Variants in ACOT9 observed in about 807,000 individuals in gnomAD.
The protein encoded by ACOT9 is acyl-CoA thioesterase 9.
ACOT9 carries 34 observed loss-of-function variants against 39.7 expected under a neutral mutation model. The ratio of observed to expected loss-of-function variants is 0.86; its 90% CI spans 0.65 to 1.14. The LOEUF is 1.14. Among genes scored for constraint, ACOT9 ranks in the 50% most tolerant of loss-of-function variants. The probability of loss-of-function intolerance (pLI) is 0.00; values close to 1 mark genes in which losing one functional copy is unlikely to be tolerated. For missense variants in ACOT9, 313 were observed against 344.1 expected (o/e 0.91, Z 0.71); for synonymous variants, 110 against 120.5 (o/e 0.91, Z 0.57).
chrX:23,733,671 C>T (rs189213140), intron 3 of ACOT9, among the ~76,000 whole-genome samples: 3 of 111,734 alleles, frequency 2.7e-5, no homozygotes, highest in Admixed American at 9.6e-5. Context: ...CTCCACCTCC[C>T]GGGTTCAGGC....
chrX:23,719,379 A>T (rs191644555), intron 8 of ACOT9, among the ~76,000 whole-genome samples: 2 of 112,175 alleles, frequency 1.8e-5, no homozygotes, highest in East Asian at 5.6e-4. Flanking sequence ...TTGACAAATA[A>T]CTACTACAGA....
chrX:23,743,006 G>C (rs1920996140), intron 1 of ACOT9, 119 bp downstream of exon 1: 1 of 890,801 alleles, frequency 1.1e-6, no homozygotes, highest in African/African-American at 2.1e-5. Context: ...CCTTATCATA[G>C]AGCCCAAATG....
chrX:23,714,190 T>C (rs1482332479), intron 8 of ACOT9, among the ~76,000 whole-genome samples: 3 of 111,268 alleles, frequency 2.7e-5, no homozygotes, highest in African/African-American at 9.8e-5. Flanking sequence ...TCTGAGCTTC[T>C]TGCAGGGCGT....
chrX:23,722,516 A>G (rs1364171273), intron 7 of ACOT9, among the ~76,000 whole-genome samples, 154 bp downstream of exon 7: 2 of 109,287 alleles, frequency 1.8e-5, no homozygotes, highest in Non-Finnish European at 3.8e-5. Context: ...GTGAGCCAAG[A>G]TCGTGCCATT....
At chrX:23,731,902 CG>C (rs1569197524) in intron 4 of ACOT9, among the ~76,000 whole-genome samples, 7 of 111,921 alleles carry the variant, frequency 6.3e-5, no homozygotes, top group Non-Finnish European at 1.9e-5. Flanking sequence ...CAAGGGGATA[CG>C]GAACGACAAT....
chrX:23,740,757 CA>C (rs1930115955), intron 1 of ACOT9, among the ~76,000 whole-genome samples: 4 of 70,380 alleles, frequency 5.7e-5, no homozygotes, highest in South Asian at 1.3e-3. Context: ...CACACACACA[CA>C]CACACCGCAC....
rs369104748 is a variant in ACOT9, at chrX:23,721,920, G to A, written c.549C>T (p.Val183=). 4.4e-5 allele frequency: 53 copies of A among 1,209,165 alleles called. No homozygotes were observed. The highest frequency in any genetic ancestry group is 3.5e-4 in the Admixed American group (16 of 45,604). The change falls in exon 8 of 16, where the codon GTC becomes GTT. Residue 183 remains valine (V), a synonymous_variant. Coordinates refer to ENST00000379303, the MANE Select transcript of ACOT9 (RefSeq NM_001037171.2). ...TCTTCACTTCCATGGATGTCTTCCC[G>A]ACCCAGCTAACATGGCCACTGAACT... is the stretch of plus-strand genomic sequence containing the variant. ...DIKFSGHVSW[V]GKTSMEVKMQ...
chrX:23,718,684 T>C (rs1929173546), intron 8 of ACOT9, among the ~76,000 whole-genome samples: 1 of 108,426 alleles, frequency 9.2e-6, no homozygotes, highest in Non-Finnish European at 1.9e-5. Context: ...GGCAGGCGGA[T>C]CATGAGGTCA....
At chrX:23,736,351 C>T (rs182299998) in intron 1 of ACOT9, among the ~76,000 whole-genome samples, 1 of 112,461 alleles carries the variant, frequency 8.9e-6, no homozygotes, top group East Asian at 2.8e-4. Flanking sequence ...AACAACTGAG[C>T]AAACTCATTA....
At chrX:23,721,641 A>C (rs1929321810) in intron 8 of ACOT9, among the ~76,000 whole-genome samples, 1 of 111,713 alleles carries the variant, frequency 9.0e-6, no homozygotes, top group South Asian at 3.7e-4. Flanking sequence ...CAAACACCTT[A>C]ACATGGACTT....
At chrX:23,723,483 G>A (rs1177387852) in intron 6 of ACOT9, among the ~76,000 whole-genome samples, 5 of 107,146 alleles carry the variant, frequency 4.7e-5, no homozygotes, top group African/African-American at 1.0e-4. Flanking sequence ...GCGTGGTGGC[G>A]TCCCAGTTAC....
At chrX:23,705,977 G>A in intron 11 of ACOT9, 119 bp from the exon 12 acceptor site, 1 of 635,247 alleles carries the variant, frequency 1.6e-6, no homozygotes, top group Non-Finnish European at 2.5e-6. Context: ...AGAAGGCCAA[G>A]GTTTAGGCCA....
In ACOT9 at chrX:23,703,846, A is replaced by AC; in HGVS notation, c.*47dup. 1 of 1,053,604 alleles carries AC rather than the reference A, an allele frequency of 9.5e-7. No individual in the cohort carries two copies. Among genetic ancestry groups the AC allele is most frequent in the Non-Finnish European group, 1.3e-6 (1 of 754,181 alleles). The allele number at this position is 1,053,604 out of a possible 1,213,427, so 86.8% of individuals were successfully genotyped here. Reference sequence around the variant, plus strand: ...ACACTCGATCAGGTCTTCATCAGATACCACGTCACTGTGGGTAGAGTGCTA... The same window carrying AC: ...ACACTCGATCAGGTCTTCATCAGATACCCACGTCACTGTGGGTAGAGTGCTA... On this transcript the variant is annotated 3_prime_UTR_variant, in exon 16 of 16. Coordinates refer to ENST00000379303, the MANE Select transcript of ACOT9 (RefSeq NM_001037171.2).
chrX:23,740,231 C>T (rs897694309), intron 1 of ACOT9, among the ~76,000 whole-genome samples: 4 of 108,700 alleles, frequency 3.7e-5, no homozygotes, highest in Admixed American at 2.0e-4. Flanking sequence ...CTCAGCCTCC[C>T]GAGCAGCTGG....
intron 8 of ACOT9, among the ~76,000 whole-genome samples, chrX:23,714,690 T>C (rs923044085): frequency 9.0e-6 from 1 of 111,106 alleles, no homozygotes; most frequent in Non-Finnish European, 1.9e-5. Context: ...AGTGGCATGA[T>C]CATGTCTCAC....
At chrX:23,742,413 G>A (rs1278304509) in intron 1 of ACOT9, among the ~76,000 whole-genome samples, 1 of 110,875 alleles carries the variant, frequency 9.0e-6, no homozygotes, top group African/African-American at 3.3e-5. Context: ...CTTGGAAAGG[G>A]TGGCATGCTC....
At chrX:23,734,929 C>T (rs1929881062) in intron 2 of ACOT9, among the ~76,000 whole-genome samples, 1 of 97,855 alleles carries the variant, frequency 1.0e-5, no homozygotes, top group Non-Finnish European at 2.0e-5. Context: ...TTGCAGTGAG[C>T]CAAGATCCCA....
At chrX:23,708,407 G>A (rs1354270282) in intron 9 of ACOT9, among the ~76,000 whole-genome samples, 1 of 111,350 alleles carries the variant, frequency 9.0e-6, no homozygotes, top group East Asian at 2.8e-4. Flanking sequence ...GCACATGCCT[G>A]TAATCCCAGC....
At chrX:23,711,695 T>C (rs1372586179) in intron 9 of ACOT9, among the ~76,000 whole-genome samples, 1 of 111,836 alleles carries the variant, frequency 8.9e-6, no homozygotes, top group African/African-American at 3.2e-5. Flanking sequence ...TACACCCCTG[T>C]AGATTGTTGC....
Sources: gnomAD v4.1 joint callset for allele counts (sites outside exome capture counted in the v4.1 genomes callset) on GRCh38, gnomAD v4.1.1 for gene constraint, MANE v1.5 for transcripts, NCBI Gene and HGNC (gene_info 2026-07-23, HGNC 2026-07-21) for gene names.